The following DHX8 variants were observed in gnomAD, a reference collection of about 807,000 sequenced individuals.
The protein encoded by DHX8 is ATP-dependent RNA helicase DHX8.
Under a neutral mutation model 140.7 loss-of-function variants are expected in DHX8, and 67 were observed. The observed-to-expected ratio is 0.48, with a 90% CI of 0.39 to 0.58. The LOEUF (loss-of-function observed/expected upper bound fraction) is 0.58, where lower values mean the gene tolerates loss of function less well. DHX8 is among the 20% of genes least tolerant of loss of function. The pLI is 0.00. For missense variants in DHX8, 887 were observed against 1,550.7 expected (o/e 0.57, Z 7.19); for synonymous variants, 533 against 553.2 (o/e 0.96, Z 0.51).
At chr17:43,537,353 G>C (rs1463296201) in intron 3 of DHX8, among the ~76,000 whole-genome samples, 1 of 149,674 alleles carries the variant, frequency 6.7e-6, no homozygotes, top group African/African-American at 2.5e-5. Flanking sequence ...CAACAAGAGT[G>C]AAACTCCATC....
downstream of DHX8, chr17:43,529,957 T>C (rs369070185): frequency 1.7e-5 from 28 of 1,613,922 alleles, no homozygotes; most frequent in Non-Finnish European, 2.3e-5. Context: ...CATAGCCTTG[T>C]GGAGGAAATT....
chr17:43,517,354 G>T lies in DHX8; in HGVS notation c.2799+32G>T, dbSNP rs758756158. ...ATCACTGTCTTGTTAAAATGGGTTG[G>T]TGGAACAGTCCAATCCTGGCCTTCA... is the stretch of plus-strand genomic sequence containing the variant. On this transcript the variant is annotated intron_variant, in intron 18 of 22. Coordinates refer to ENST00000262415, the MANE Select transcript of DHX8 (RefSeq NM_004941.3). The T allele has an allele frequency of 1.9e-6, 3 of 1,609,158 alleles. No homozygotes were observed. The African/African-American group carries it at 4.0e-5, about 21-fold the overall frequency.
At chr17:43,515,122 T>G (rs572621636) in intron 17 of DHX8, among the ~76,000 whole-genome samples, 1 of 152,358 alleles carries the variant, frequency 6.6e-6, no homozygotes, top group South Asian at 2.1e-4. Context: ...ATTACTTTCA[T>G]AATTTGTGAA....
In DHX8 at chr17:43,493,689, G is replaced by A. The variant is rs1287957091; in HGVS notation, c.1015G>A (p.Asp339Asn). The change falls in exon 8 of 23, where the codon GAT becomes AAT. Residue 339 changes from aspartate to asparagine, a missense_variant. Asp to Asn is a conservative substitution (Grantham distance 23, BLOSUM62 1). Around this residue, in one of 9 missense-constraint regions of DHX8, gnomAD observed 98 missense variants for 152.7 expected, o/e 0.64. Coordinates refer to ENST00000262415, the MANE Select transcript of DHX8 (RefSeq NM_004941.3). ...TKTSLSMKDV[D>N]QETGEDLNPN... ...CCTTGTTTTTGTGCCTTAGGATGTGGATCAAGAGACTGGAGAAGATCTAAA... is the reference window on the plus strand; with the variant it reads ...CCTTGTTTTTGTGCCTTAGGATGTGAATCAAGAGACTGGAGAAGATCTAAA... The A allele has an allele frequency of 6.2e-7, 1 of 1,614,202 alleles. No homozygotes were observed. Among genetic ancestry groups the A allele is most frequent in the East Asian group, 2.2e-5 (1 of 44,890 alleles).
intron 19 of DHX8, 118 bp from the exon 20 acceptor site, chr17:43,520,633 G>A (rs1970328630): frequency 8.4e-7 from 1 of 1,186,282 alleles, no homozygotes; most frequent in Non-Finnish European, 1.2e-6. Context: ...GCATCCCAAG[G>A]CATCATTATG....
intron 2 of DHX8, among the ~76,000 whole-genome samples, chr17:43,535,204 TC>T (rs1971173751): frequency 6.6e-6 from 1 of 152,212 alleles, no homozygotes; most frequent in South Asian, 2.1e-4. Context: ...TGTTTTTGAT[TC>T]TTTGTGCCCC....
In DHX8 at chr17:43,539,322, T is replaced by C. The variant is rs541859060; in HGVS notation, c.*20+2824T>C. Among the ~76,000 whole-genome samples the C allele has an allele frequency of 3.9e-5, 6 of 152,304 alleles. No individual in the cohort carries two copies. In the South Asian group the frequency reaches 1.2e-3, roughly 32 times the overall value. ...GATGCTTTCTTGCCTTTTTCTTTTT[T>C]TCCTGACCATCAGAGTCTCAGCTCA... On this transcript the variant is annotated intron_variant, in intron 3 of 3. Coordinates refer to the DHX8 transcript ENST00000589898.
At chr17:43,537,854 C>A (rs1022926398) in intron 3 of DHX8, among the ~76,000 whole-genome samples, 1 of 151,976 alleles carries the variant, frequency 6.6e-6, no homozygotes, top group Non-Finnish European at 1.5e-5. Flanking sequence ...TTAGGCCGGG[C>A]GCGGTGGCTC....
intron 11 of DHX8, among the ~76,000 whole-genome samples, chr17:43,500,447 A>G (rs111873844): frequency 6.6e-6 from 1 of 151,992 alleles, no homozygotes. Flanking sequence ...AGATCAGGCA[A>G]GTGTACTCCA....
At chr17:43,489,375 T>G (rs540456004) in intron 1 of DHX8, 74 bp from the exon 2 acceptor site, 1 of 1,042,030 alleles carries the variant, frequency 9.6e-7, no homozygotes, top group South Asian at 1.4e-5. Context: ...CCTAATTAGT[T>G]TTGTTTTCAC....
In DHX8 at chr17:43,524,829, A is replaced by G. The variant is rs1598183639; in HGVS notation, c.*982A>G. The G allele has an allele frequency of 1.0e-6, 1 of 984,930 alleles. No homozygotes were observed. The highest frequency in any genetic ancestry group is 1.2e-6 in the Non-Finnish European group (1 of 829,870). 61.0% of individuals were successfully genotyped at this position (984,930 alleles called of 1,614,324 possible). On this transcript the variant is annotated 3_prime_UTR_variant, in exon 23 of 23. Transcript: ENST00000262415. ...ACTCCAAACAGAAAACAAACATAAC[A>G]CCTCTCCTCTCAGCTGGTTTGTGCT...
In DHX8 at chr17:43,498,467, T is replaced by TA. The variant is rs527788193; in HGVS notation, c.1301-393dup. Among the ~76,000 whole-genome samples, 401 of 148,124 alleles carry TA rather than the reference T, an allele frequency of 2.7e-3. 5 individuals carry two copies. Among genetic ancestry groups the TA allele is most frequent in the African/African-American group, 9.3e-3 (372 of 40,044 alleles). ...CGGCCTTTTTTTTCTTTTTTTTTTT[T>TA]AAGACAGAGTCTCACTCTGTCACCC... On this transcript the variant is annotated intron_variant, in intron 9 of 22. Transcript: ENST00000262415.
At chr17:43,484,305 T>C (rs1269139802) in intron 1 of DHX8, 120 bp downstream of exon 1, 16 of 1,225,838 alleles carry the variant, frequency 1.3e-5, no homozygotes, top group East Asian at 1.2e-4. Context: ...TGTCTCTCTC[T>C]GTCGCAGACA....
At chr17:43,520,377 A>G in intron 19 of DHX8, 110 bp downstream of exon 19, 1 of 1,344,988 alleles carries the variant, frequency 7.4e-7, no homozygotes, top group Non-Finnish European at 1.0e-6. Context: ...GCTTTGAGTA[A>G]AATTCTAAAT....
chr17:43,484,299 T>G (rs1386073600), intron 1 of DHX8, 114 bp downstream of exon 1: 5 of 1,289,610 alleles, frequency 3.9e-6, no homozygotes, highest in African/African-American at 1.7e-5. Context: ...TGAATCTGTC[T>G]CTCTCTGTCG....
At chr17:43,527,593 C>T (rs1970654202), downstream of DHX8, among the ~76,000 whole-genome samples, 1 of 152,254 alleles carries the variant, frequency 6.6e-6, no homozygotes, top group African/African-American at 2.4e-5. Context: ...GGCGCCTGTC[C>T]AGGTTATCAA....
rs187890137 is a variant in DHX8, at chr17:43,536,512, G to A, written c.*20+14G>A. The A allele has an allele frequency of 2.4e-5, 39 of 1,608,872 alleles. No individual in the cohort carries two copies. The East Asian group carries it at 3.8e-4, about 16-fold the overall frequency. On this transcript the variant is annotated intron_variant, in intron 3 of 3. Coordinates refer to the DHX8 transcript ENST00000589898. ...GAGAAGTCAGAGGTGAGTTTGGGGC[G>A]GAGCCCTGGTTGTCCCCTGGGAGGC...
chr17:43,538,057 C>T (rs965136444), intron 3 of DHX8, among the ~76,000 whole-genome samples: 2 of 150,322 alleles, frequency 1.3e-5, no homozygotes, highest in Admixed American at 1.3e-4. Context: ...AAGAGAATGG[C>T]GTGAACCTGG....
intron 17 of DHX8, 151 bp from the exon 18 acceptor site, chr17:43,517,015 TG>T (rs1970148273): frequency 1.3e-6 from 1 of 767,832 alleles, no homozygotes; most frequent in Non-Finnish European, 2.0e-6. Context: ...ATAAGAGCAT[TG>T]GTAGTCTTGG....
Sources: allele counts gnomAD v4.1 joint callset (sites outside exome capture counted in the v4.1 genomes callset), GRCh38; gene constraint gnomAD v4.1.1; regional missense constraint gnomAD v4.1.1; transcripts MANE v1.5; gene names NCBI Gene and HGNC (gene_info 2026-07-23, HGNC 2026-07-21).